TMEM132C: variants seen among roughly 807,000 people sequenced by gnomAD.
The protein encoded by TMEM132C is transmembrane protein 132C.
Under a neutral mutation model 61.4 loss-of-function variants are expected in TMEM132C, and 29 were observed. That is an observed-to-expected ratio of 0.47 (90% CI 0.35 to 0.64). The LOEUF (loss-of-function observed/expected upper bound fraction) is 0.64, where lower values mean the gene tolerates loss of function less well. Among genes scored for constraint, TMEM132C ranks in the 30% least tolerant of loss-of-function variants. TMEM132C has a pLI of 0.00. For synonymous variants in TMEM132C, 656 were observed against 633.1 expected (o/e 1.04, Z -0.54); for missense variants, 1,408 against 1,476.9 (o/e 0.95, Z 0.76).
chr12:128,420,861 A>G (rs1446082636), intron 2 of TMEM132C, among the ~76,000 whole-genome samples: 4 of 152,222 alleles, frequency 2.6e-5, no homozygotes, highest in Non-Finnish European at 5.9e-5. Flanking sequence ...TAATGTAATT[A>G]AAATATACTT....
Position 128,538,213 on chromosome 12 carries a change from T to C in TMEM132C, c.975-5744T>C, listed in dbSNP as rs181855085. On this transcript the variant is annotated intron_variant, in intron 2 of 8. Transcript: ENST00000435159. ...TCAGCTCACTGCAACCTCTGCCTCCTGGGTTCAAGTGATTCCCCTGCCTCA... is the reference window on the plus strand; with the variant it reads ...TCAGCTCACTGCAACCTCTGCCTCCCGGGTTCAAGTGATTCCCCTGCCTCA... Among the ~76,000 whole-genome samples, 8 of 152,280 alleles carry C rather than the reference T, an allele frequency of 5.3e-5. No homozygotes were observed. In the East Asian group the frequency reaches 1.5e-3, roughly 29 times the overall value.
chr12:128,671,707 G>A (rs891998399), intron 5 of TMEM132C, among the ~76,000 whole-genome samples: 6 of 152,150 alleles, frequency 3.9e-5, no homozygotes, highest in African/African-American at 1.4e-4. Context: ...ATCACACAGC[G>A]ACGTCCACAC....
At chr12:128,396,326 G>A (rs1874954327) in intron 1 of TMEM132C, among the ~76,000 whole-genome samples, 1 of 151,994 alleles carries the variant, frequency 6.6e-6, no homozygotes, top group Admixed American at 6.6e-5. Context: ...GTAAGTGGGA[G>A]TTGAACAATG....
At chr12:128,287,274 C>T (rs1028707575) in intron 1 of TMEM132C, among the ~76,000 whole-genome samples, 3 of 152,174 alleles carry the variant, frequency 2.0e-5, no homozygotes, top group Admixed American at 2.0e-4. Context: ...CCTGCCCACT[C>T]TGTATAAAGT....
At chr12:128,417,812 A>G (rs950879372) in intron 2 of TMEM132C, among the ~76,000 whole-genome samples, 2 of 152,192 alleles carry the variant, frequency 1.3e-5, no homozygotes, top group African/African-American at 4.8e-5. Flanking sequence ...GTAAACAGAC[A>G]TTGTGTGTTG....
intron 1 of TMEM132C, among the ~76,000 whole-genome samples, chr12:128,384,147 T>C (rs1373316233): frequency 6.6e-6 from 1 of 152,198 alleles, no homozygotes; most frequent in East Asian, 1.9e-4. Context: ...CAACCCGTCG[T>C]CAATCATTAG....
At chr12:128,346,223 A>G (rs1339967497) in intron 1 of TMEM132C, among the ~76,000 whole-genome samples, 2 of 151,902 alleles carry the variant, frequency 1.3e-5, no homozygotes, top group Non-Finnish European at 2.9e-5. Context: ...TAGGTGTGTG[A>G]TCTTATTTCT....
intron 1 of TMEM132C, among the ~76,000 whole-genome samples, chr12:128,402,937 G>A (rs757557226): frequency 6.6e-6 from 1 of 152,198 alleles, no homozygotes; most frequent in East Asian, 1.9e-4. Context: ...AGTAGCATCT[G>A]AGAGTGATTA....
intron 1 of TMEM132C, among the ~76,000 whole-genome samples, chr12:128,302,662 C>T (rs924680803): frequency 1.3e-5 from 2 of 152,122 alleles, no homozygotes; most frequent in Admixed American, 6.5e-5. Flanking sequence ...GAGAATGTGG[C>T]AAGTATTAAG....
chr12:128,319,155 C>T (rs1252440032), intron 1 of TMEM132C, among the ~76,000 whole-genome samples: 2 of 152,182 alleles, frequency 1.3e-5, no homozygotes, highest in African/African-American at 4.8e-5. Context: ...GAGCAGGCCT[C>T]CTTTGTGGTC....
intron 3 of TMEM132C, among the ~76,000 whole-genome samples, chr12:128,615,217 C>T (rs1241033412): frequency 6.6e-6 from 1 of 152,090 alleles, no homozygotes; most frequent in Non-Finnish European, 1.5e-5. Flanking sequence ...GAGTGAGTGG[C>T]CTACAGCAGT....
At chr12:128,339,994 A>T (rs956884734) in intron 1 of TMEM132C, among the ~76,000 whole-genome samples, 2 of 152,204 alleles carry the variant, frequency 1.3e-5, no homozygotes, top group African/African-American at 4.8e-5. Flanking sequence ...GACATTTTTT[A>T]AAAAAGAACA....
chr12:128,292,640 ACCTAAGTTCCTAGATGAGGTATT>A (rs879740022), intron 1 of TMEM132C, among the ~76,000 whole-genome samples: 19,520 of 141,326 alleles, frequency 0.14, 1,553 homozygotes, highest in East Asian at 0.33. Flanking sequence ...GTACCTAGGT[ACCTAAGTTCCTAGATGAGGTATT>A]CATAAGTGTC....
At chr12:128,340,386 G>A (rs971392423) in intron 1 of TMEM132C, among the ~76,000 whole-genome samples, 2 of 151,904 alleles carry the variant, frequency 1.3e-5, no homozygotes, top group Non-Finnish European at 2.9e-5. Context: ...TCTTATTACA[G>A]TAAAGCTTAT....
intron 2 of TMEM132C, among the ~76,000 whole-genome samples, chr12:128,507,199 C>G (rs1237558917): frequency 1.3e-5 from 2 of 152,096 alleles, no homozygotes; most frequent in Admixed American, 1.3e-4. Context: ...GTCCCACACC[C>G]CGGGTGACCG....
chr12:128,508,431 T>C (rs139206432), intron 2 of TMEM132C, among the ~76,000 whole-genome samples: 2,028 of 152,236 alleles, frequency 0.013, 46 homozygotes, highest in African/African-American at 0.047. Context: ...TCTACGGCCC[T>C]CGAGATGAGG....
intron 1 of TMEM132C, among the ~76,000 whole-genome samples, chr12:128,412,574 A>G (rs1249393822): frequency 1.3e-5 from 2 of 152,162 alleles, no homozygotes; most frequent in Non-Finnish European, 2.9e-5. Flanking sequence ...AAGTCTCACA[A>G]GATCTGATGG....
chr12:128,517,138 G>A (rs2136124301), intron 2 of TMEM132C, among the ~76,000 whole-genome samples: 1 of 152,046 alleles, frequency 6.6e-6, no homozygotes, highest in East Asian at 1.9e-4. Flanking sequence ...GTCTGGGGCA[G>A]GAGAATCGCT....
At chr12:128,541,968 T>C (rs1873775354) in intron 2 of TMEM132C, among the ~76,000 whole-genome samples, 1 of 152,134 alleles carries the variant, frequency 6.6e-6, no homozygotes, top group South Asian at 2.1e-4. Flanking sequence ...AGTTCCCCAC[T>C]CGCCCTGATA....
Sources: allele counts gnomAD v4.1 joint callset (sites outside exome capture counted in the v4.1 genomes callset), GRCh38; gene constraint gnomAD v4.1.1; transcripts MANE v1.5; gene names NCBI Gene and HGNC (gene_info 2026-07-23, HGNC 2026-07-21).